KDM4C: variants seen among roughly 807,000 people sequenced by gnomAD.
KDM4C encodes the protein lysine-specific demethylase 4C.
In KDM4C, 81 loss-of-function variants were observed where a neutral mutation model predicts 129.3. The observed-to-expected ratio is 0.63, with a 90% CI of 0.52 to 0.75. The LOEUF (loss-of-function observed/expected upper bound fraction) is 0.75, where lower values mean the gene tolerates loss of function less well. Ranked by LOEUF, KDM4C falls within the 30% of genes least tolerant of loss-of-function variation. KDM4C has a pLI of 0.00. For synonymous variants in KDM4C, 573 were observed against 456.1 expected (o/e 1.26, Z -3.26); for missense variants, 1,457 against 1,304.0 (o/e 1.12, Z -1.81).
At chr9:6,976,711 G>C (rs1428857118) in intron 8 of KDM4C, among the ~76,000 whole-genome samples, 2 of 152,162 alleles carry the variant, frequency 1.3e-5, no homozygotes, top group African/African-American at 4.8e-5. Context: ...TTTGGGAAAG[G>C]AGAGGCTAGA....
intron 19 of KDM4C, among the ~76,000 whole-genome samples, chr9:7,130,333 C>T (rs1214746395): frequency 6.6e-6 from 1 of 152,188 alleles, no homozygotes; most frequent in Non-Finnish European, 1.5e-5. Context: ...CCTATACACA[C>T]CATGCCAGTT....
chr9:6,913,346 A>G (rs62535699), intron 8 of KDM4C, among the ~76,000 whole-genome samples: 4,072 of 152,334 alleles, frequency 0.027, 73 homozygotes, highest in Non-Finnish European at 0.037. Flanking sequence ...ATCTTGAAGG[A>G]TATGGTGAAA....
chr9:6,818,395 C>G (rs1321361977), intron 4 of KDM4C, among the ~76,000 whole-genome samples: 2 of 152,144 alleles, frequency 1.3e-5, no homozygotes, highest in East Asian at 1.9e-4. Flanking sequence ...GTAAGTTTAG[C>G]TGTTGTGGGC....
chr9:6,905,063 ATGG>A (rs1818077409), intron 8 of KDM4C, among the ~76,000 whole-genome samples: 1 of 152,266 alleles, frequency 6.6e-6, no homozygotes, highest in Non-Finnish European at 1.5e-5. Flanking sequence ...CAGAGAGCAG[ATGG>A]TGCTTAAAAT....
intron 8 of KDM4C, among the ~76,000 whole-genome samples, chr9:6,917,436 A>T (rs1294648730): frequency 6.6e-6 from 1 of 152,112 alleles, no homozygotes; most frequent in African/African-American, 2.4e-5. Context: ...ATGATCCATC[A>T]TTGTAAAGAT....
chr9:7,119,616 G>A (rs1453615368), intron 18 of KDM4C, among the ~76,000 whole-genome samples: 1 of 150,976 alleles, frequency 6.6e-6, no homozygotes, highest in Non-Finnish European at 1.5e-5. Context: ...TTTCCGGTCA[G>A]GGAACCAAAA....
At position 6,821,653 on chromosome 9, in the gene KDM4C, C is replaced by CT. The variant is rs552508745; in HGVS notation, c.435+6919dup. 6.2e-4 allele frequency among the ~76,000 whole-genome samples: 90 copies of CT among 146,190 alleles called. No individual in the cohort carries two copies. The East Asian group carries it at 7.9e-3, about 13-fold the overall frequency. On this transcript the variant is annotated intron_variant, in intron 4 of 21. Coordinates refer to ENST00000381309, the MANE Select transcript of KDM4C (RefSeq NM_015061.6). ...GTCAGGTCTTAGCCTCTCTTTCATT[C>CT]TTTTTTTTTTTGAGATGGAGTATGC...
At chr9:6,928,734 C>G (rs1416546305) in intron 8 of KDM4C, among the ~76,000 whole-genome samples, 1 of 152,120 alleles carries the variant, frequency 6.6e-6, no homozygotes, top group Non-Finnish European at 1.5e-5. Context: ...CTTACCCACT[C>G]GTTTTTGTTC....
chr9:6,917,636 G>A (rs565471136), intron 8 of KDM4C, among the ~76,000 whole-genome samples: 1 of 152,140 alleles, frequency 6.6e-6, no homozygotes, highest in Non-Finnish European at 1.5e-5. Flanking sequence ...ACGATGCCCA[G>A]CAGTCCAGCC....
chr9:6,951,024 T>G (rs143591417), intron 8 of KDM4C, among the ~76,000 whole-genome samples: 1 of 152,160 alleles, frequency 6.6e-6, no homozygotes, highest in Non-Finnish European at 1.5e-5. Context: ...TTAACATTTT[T>G]AAATTTTATT....
intron 8 of KDM4C, among the ~76,000 whole-genome samples, chr9:6,959,985 G>A (rs1051694841): frequency 9.2e-5 from 14 of 151,990 alleles, no homozygotes; most frequent in Non-Finnish European, 2.1e-4. Context: ...CGTATGAAAA[G>A]CTGTTACATC....
At chr9:6,788,021 A>G (rs1350046512) in intron 1 of KDM4C, among the ~76,000 whole-genome samples, 1 of 152,168 alleles carries the variant, frequency 6.6e-6, no homozygotes, top group Admixed American at 6.5e-5. Context: ...TGTTCCTTGA[A>G]GAGTCCGATA....
At chr9:6,722,735 A>C (rs1005957958) in intron 1 of KDM4C, among the ~76,000 whole-genome samples, 1 of 151,818 alleles carries the variant, frequency 6.6e-6, no homozygotes, top group South Asian at 2.1e-4. Flanking sequence ...CTGGTCTCGA[A>C]CTCTCAACCT....
intron 3 of KDM4C, among the ~76,000 whole-genome samples, chr9:6,808,090 C>G (rs1288258704): frequency 1.4e-5 from 1 of 68,984 alleles, no homozygotes; most frequent in Non-Finnish European, 2.7e-5. Context: ...CCCCTCTGCC[C>G]GGCCAGCCGC....
intron 2 of KDM4C, among the ~76,000 whole-genome samples, chr9:6,801,213 C>T (rs113290625): frequency 2.0e-5 from 3 of 146,682 alleles, no homozygotes; most frequent in African/African-American, 2.5e-5. Context: ...ATAAAGTAGA[C>T]CATTTTTATG....
At chr9:7,074,667 G>A (rs1019092927) in intron 17 of KDM4C, among the ~76,000 whole-genome samples, 2 of 152,036 alleles carry the variant, frequency 1.3e-5, no homozygotes, top group Non-Finnish European at 2.9e-5. Flanking sequence ...ATTAAATTCA[G>A]ATTTAGCAAT....
intron 18 of KDM4C, among the ~76,000 whole-genome samples, chr9:7,111,803 CG>C: frequency 6.6e-6 from 1 of 152,168 alleles, no homozygotes; most frequent in South Asian, 2.1e-4. Flanking sequence ...AGTGAAACCC[CG>C]TTTTTATATA....
intron 8 of KDM4C, among the ~76,000 whole-genome samples, chr9:6,944,724 A>C (rs1370881165): frequency 8.0e-6 from 1 of 125,256 alleles, no homozygotes; most frequent in Non-Finnish European, 1.6e-5. Context: ...CATTGATCTT[A>C]GGAAGAGCTT....
intron 12 of KDM4C, among the ~76,000 whole-genome samples, chr9:6,992,019 C>CT (rs3072730): frequency 0.28 from 41,380 of 149,664 alleles, 6,046 homozygotes; most frequent in Middle Eastern, 0.4. Flanking sequence ...AGTTCTTTTT[C>CT]TTTTTTTTTT....
Sources: allele counts gnomAD v4.1 joint callset (sites outside exome capture counted in the v4.1 genomes callset), GRCh38; gene constraint gnomAD v4.1.1; transcripts MANE v1.5; gene names NCBI Gene and HGNC (gene_info 2026-07-23, HGNC 2026-07-21).